Variants in SDK1 observed in about 807,000 individuals in gnomAD.
SDK1 encodes the protein protein sidekick-1.
In SDK1, 157 loss-of-function variants were observed where a neutral mutation model predicts 245.5. The observed-to-expected ratio is 0.64, with a 90% confidence interval of 0.56 to 0.73. The LOEUF (loss-of-function observed/expected upper bound fraction) is 0.73, where lower values mean the gene tolerates loss of function less well. Among genes scored for constraint, SDK1 ranks in the 30% least tolerant of loss-of-function variants. The pLI is 0.00. For synonymous variants in SDK1, 1,647 were observed against 1,278.5 expected (o/e 1.29, Z -6.15); for missense variants, 3,583 against 3,002.3 (o/e 1.19, Z -4.52).
Position 3,848,049 on chromosome 7 carries a change from A to G in SDK1, c.847+26466A>G, listed in dbSNP as rs543619342. Among the ~76,000 whole-genome samples the G allele has an allele frequency of 7.9e-5, 12 of 152,396 alleles. No individual in the cohort carries two copies. In the East Asian group the frequency reaches 9.6e-4, roughly 12 times the overall value. On this transcript the variant is annotated intron_variant, in intron 5 of 44. Transcript: ENST00000404826. ...TGCATATGTGCACAAGCACATACAC[A>G]TACAAACCGTATTTGAAATGTGCTT...
intron 1 of SDK1, among the ~76,000 whole-genome samples, chr7:3,372,125 A>G (rs1053092201): frequency 3.3e-5 from 5 of 152,200 alleles, no homozygotes; most frequent in African/African-American, 1.2e-4. Context: ...AGCTACATAA[A>G]TATGAGTTTC....
intron 4 of SDK1, among the ~76,000 whole-genome samples, chr7:3,676,448 C>T (rs946651734): frequency 3.3e-5 from 5 of 151,832 alleles, no homozygotes; most frequent in African/African-American, 4.8e-5. Context: ...GCCTCAGCTT[C>T]CCAAGTAGCT....
chr7:3,820,308 C>G (rs1166446200), intron 4 of SDK1, among the ~76,000 whole-genome samples: 2 of 152,138 alleles, frequency 1.3e-5, no homozygotes, highest in East Asian at 1.9e-4. Flanking sequence ...TGCCACCACG[C>G]CGAACTAATT....
rs573191868 is a variant in SDK1 at position 3,746,270 on chromosome 7, A to G, written c.714-75180A>G. On this transcript the variant is annotated intron_variant, in intron 4 of 44. Transcript: ENST00000404826. ...TCAAAAATACTTTATTTTAAAATAT[A>G]ATAGCAATCACCTGAGCCTTCAGCA... Among the ~76,000 whole-genome samples, 3 of 152,368 alleles carry G rather than the reference A, an allele frequency of 2.0e-5. No homozygotes were observed. In the South Asian group the frequency reaches 6.2e-4, roughly 32 times the overall value.
chr7:3,506,851 AACAC>A (rs541116583), intron 1 of SDK1, among the ~76,000 whole-genome samples: 176 of 152,174 alleles, frequency 1.2e-3, no homozygotes, highest in Non-Finnish European at 1.8e-3. Context: ...TTTTTAAATA[AACAC>A]ACACATTTAT....
At chr7:4,170,012 G>A (rs1329451570) in intron 32 of SDK1, among the ~76,000 whole-genome samples, 1 of 152,150 alleles carries the variant, frequency 6.6e-6, no homozygotes, top group Non-Finnish European at 1.5e-5. Flanking sequence ...GATGGCCTGC[G>A]GAGAATTGCC....
Position 3,554,954 on chromosome 7 carries a change from A to G in SDK1, c.299-64126A>G, listed in dbSNP as rs58707954. ...AGAGGACACGCAAAAAAATGGAAAGATATTACATGTTTGTAGATTTGAAGA... is the reference window on the plus strand; with the variant it reads ...AGAGGACACGCAAAAAAATGGAAAGGTATTACATGTTTGTAGATTTGAAGA... On this transcript the variant is annotated intron_variant, in intron 1 of 44. Transcript: ENST00000404826. Among the ~76,000 whole-genome samples, 1,322 of 152,318 alleles carry G rather than the reference A, an allele frequency of 8.7e-3. 21 individuals carry two copies. The highest frequency in any genetic ancestry group is 0.03 in the African/African-American group (1,247 of 41,586).
intron 4 of SDK1, among the ~76,000 whole-genome samples, chr7:3,726,093 C>A (rs1223441978): frequency 6.6e-5 from 10 of 152,228 alleles, no homozygotes; most frequent in Admixed American, 5.9e-4. Context: ...CACAGCCTCC[C>A]AGTGAAATAG....
chr7:4,143,829 A>G (rs638165), intron 28 of SDK1, among the ~76,000 whole-genome samples: 120,372 of 152,152 alleles, frequency 0.79, 48,082 homozygotes, highest in African/African-American at 0.91. Flanking sequence ...GGAGCTTCAC[A>G]GCCTCGTCCT....
intron 29 of SDK1, among the ~76,000 whole-genome samples, chr7:4,147,325 C>T (rs1780048092): frequency 6.6e-6 from 1 of 152,136 alleles, no homozygotes; most frequent in Non-Finnish European, 1.5e-5. Flanking sequence ...GGACTACAGG[C>T]ACACACCACC....
chr7:3,348,461 C>G (rs1034250101), intron 1 of SDK1, among the ~76,000 whole-genome samples: 1 of 149,756 alleles, frequency 6.7e-6, no homozygotes, highest in Non-Finnish European at 1.5e-5. Flanking sequence ...AGCAGAAAAC[C>G]GAAAACAACA....
chr7:3,401,058 C>CGCA (rs1230883246), intron 1 of SDK1, among the ~76,000 whole-genome samples: 1 of 152,120 alleles, frequency 6.6e-6, no homozygotes, highest in African/African-American at 2.4e-5. Context: ...TGCTGCCATC[C>CGCA]GCAGCCTCAT....
At chr7:3,855,093 G>C (rs117179178) in intron 5 of SDK1, among the ~76,000 whole-genome samples, 41 of 151,992 alleles carry the variant, frequency 2.7e-4, no homozygotes, top group Non-Finnish European at 4.9e-4. Flanking sequence ...CTAAGAGAGA[G>C]GTCACTTTTC....
chr7:3,441,963 G>C (rs979405745), intron 1 of SDK1, among the ~76,000 whole-genome samples: 1 of 152,106 alleles, frequency 6.6e-6, no homozygotes, highest in African/African-American at 2.4e-5. Flanking sequence ...TAATATGATA[G>C]GTATGAATAC....
intron 1 of SDK1, among the ~76,000 whole-genome samples, chr7:3,492,913 G>T (rs1781907132): frequency 1.3e-5 from 2 of 152,114 alleles, no homozygotes; most frequent in Admixed American, 1.3e-4. Context: ...AGTAGCTTAT[G>T]CATGTACTGT....
chr7:4,255,529 C>G (rs1787567944), intron 44 of SDK1, among the ~76,000 whole-genome samples: 1 of 152,164 alleles, frequency 6.6e-6, no homozygotes, highest in Admixed American at 6.5e-5. Context: ...ACTCGGGGCC[C>G]AGTATTCTTG....
intron 1 of SDK1, among the ~76,000 whole-genome samples, chr7:3,598,541 G>A (rs148450029): frequency 5.1e-4 from 78 of 152,212 alleles, no homozygotes; most frequent in African/African-American, 1.7e-3. Context: ...CCAGCATCAG[G>A]GCAGTCAAGA....
chr7:3,354,049 G>C (rs1213250417), intron 1 of SDK1, among the ~76,000 whole-genome samples: 3 of 150,600 alleles, frequency 2.0e-5, no homozygotes, highest in Non-Finnish European at 4.4e-5. Context: ...CTGGAGTGCA[G>C]TGGCGAGATC....
intron 1 of SDK1, among the ~76,000 whole-genome samples, chr7:3,601,945 G>C (rs556421664): frequency 6.6e-6 from 1 of 150,930 alleles, no homozygotes; most frequent in South Asian, 2.1e-4. Context: ...TTTTGTCCTT[G>C]TGATATTTTG....
Sources: allele counts gnomAD v4.1 joint callset (sites outside exome capture counted in the v4.1 genomes callset), GRCh38; gene constraint gnomAD v4.1.1; transcripts MANE v1.5; gene names NCBI Gene and HGNC (gene_info 2026-07-23, HGNC 2026-07-21).